Variants in SKP1 observed in about 807,000 individuals in gnomAD.
SKP1 encodes the protein S-phase kinase-associated protein 1.
Under a neutral mutation model 21.5 loss-of-function variants are expected in SKP1, and 1 was observed. The ratio of observed to expected loss-of-function variants is 0.05; its 90% CI spans 0.02 to 0.22. The LOEUF is 0.22. Among genes scored for constraint, SKP1 ranks in the 10% least tolerant of loss-of-function variants. SKP1 has a pLI of 1.00. For synonymous variants in SKP1, 59 were observed against 59.3 expected (o/e 0.99, Z 0.03); for missense variants, 70 against 192.0 (o/e 0.36, Z 3.76).
chr5:134,158,994 TTTA>T (rs1761169445), intron 4 of SKP1, among the ~76,000 whole-genome samples: 1 of 152,166 alleles, frequency 6.6e-6, no homozygotes, highest in African/African-American at 2.4e-5. Flanking sequence ...TTTCATTGAC[TTTA>T]TTGTTTACCT....
intron 2 of SKP1, among the ~76,000 whole-genome samples, chr5:134,171,823 TCA>T (rs1761445586): frequency 6.6e-6 from 1 of 152,198 alleles, no homozygotes; most frequent in Admixed American, 6.5e-5. Context: ...GGTGGGCGGA[TCA>T]CCTGAGGTCA....
Position 134,157,649 on chromosome 5 carries a change from G to T in SKP1, c.*84C>A, listed in dbSNP as rs1033731071. The T allele has an allele frequency of 1.3e-4, 147 of 1,099,728 alleles. No individual in the cohort carries two copies. The highest frequency in any genetic ancestry group is 4.3e-5 in the Non-Finnish European group (31 of 713,200). The allele number at this position is 1,099,728 out of a possible 1,614,324, so 68.1% of individuals were successfully genotyped here. A position where few individuals can be genotyped will look rare whatever the true frequency, so the allele number is the denominator to read the frequency against. Reference sequence around the variant, plus strand: ...TTGCTGCTGCATTTGTCTACTGTTTGTCTAATATTAACAATTATAAACAGA... The same window carrying T: ...TTGCTGCTGCATTTGTCTACTGTTTTTCTAATATTAACAATTATAAACAGA... On this transcript the variant is annotated 3_prime_UTR_variant, in exon 6 of 6. Coordinates refer to ENST00000353411, the MANE Select transcript of SKP1 (RefSeq NM_170679.3).
At chr5:134,162,355 G>T (rs755533572) in intron 3 of SKP1, among the ~76,000 whole-genome samples, 2 of 152,140 alleles carry the variant, frequency 1.3e-5, no homozygotes, top group Admixed American at 1.3e-4. Context: ...CCCTCCCAAA[G>T]TGTTGGGATT....
chr5:134,164,141 T>G (rs968305214), intron 3 of SKP1, among the ~76,000 whole-genome samples: 1 of 151,770 alleles, frequency 6.6e-6, no homozygotes, highest in Non-Finnish European at 1.5e-5. Context: ...GCCAACATGG[T>G]GAAACCCCAT....
chr5:134,156,261 G>A lies in SKP1; in HGVS notation c.*1472C>T, dbSNP rs1220980605. On this transcript the variant is annotated 3_prime_UTR_variant, in exon 6 of 6. Coordinates refer to ENST00000353411, the MANE Select transcript of SKP1 (RefSeq NM_170679.3). Reference sequence around the variant, plus strand: ...CTCCTGAGAGAGAGAGAGAGAGAGAGAGAGAATTTTAAATAACTCTTTACA... The same window carrying A: ...CTCCTGAGAGAGAGAGAGAGAGAGAAAGAGAATTTTAAATAACTCTTTACA... 6.6e-6 allele frequency: 1 copy of A among 152,108 alleles called. No individual in the cohort carries two copies. The highest frequency in any genetic ancestry group is 1.5e-5 in the Non-Finnish European group (1 of 68,056). The allele number at this position is 152,108 out of a possible 1,614,324, so 9.4% of individuals were successfully genotyped here. A position where few individuals can be genotyped will look rare whatever the true frequency, so the allele number is the denominator to read the frequency against.
At chr5:134,161,356 T>C (rs1473761764) in intron 3 of SKP1, 2 of 381,810 alleles carry the variant, frequency 5.2e-6, no homozygotes, top group East Asian at 3.9e-5. Flanking sequence ...AGTACTGTAC[T>C]TGACTACATT....
intron 2 of SKP1, among the ~76,000 whole-genome samples, chr5:134,169,086 G>C (rs1486795908): frequency 6.6e-6 from 1 of 152,126 alleles, no homozygotes; most frequent in Non-Finnish European, 1.5e-5. Flanking sequence ...TGTGAGGTAA[G>C]CAGTAAGTGG....
In SKP1 at chr5:134,150,713, C is replaced by T. The variant is rs1761031112; in HGVS notation, c.*7020G>A. The T allele has an allele frequency of 6.6e-6, 1 of 152,212 alleles. No individual in the cohort carries two copies. Among genetic ancestry groups the T allele is most frequent in the Non-Finnish European group, 1.5e-5 (1 of 68,044 alleles). The allele number at this position is 152,212 out of a possible 1,614,324, so 9.4% of individuals were successfully genotyped here. A position where few individuals can be genotyped will look rare whatever the true frequency, so the allele number is the denominator to read the frequency against. Reference sequence around the variant, plus strand: ...CCCAAGCAGACCCTGGTTGTGTCAACTCCCCCAATCCCAACTTATTGTGAT... The same window carrying T: ...CCCAAGCAGACCCTGGTTGTGTCAATTCCCCCAATCCCAACTTATTGTGAT... On this transcript the variant is annotated 3_prime_UTR_variant, in exon 6 of 6. Coordinates refer to ENST00000353411, the MANE Select transcript of SKP1 (RefSeq NM_170679.3).
rs1251490831 is a variant in SKP1 at position 134,155,022 on chromosome 5, A to C, written c.*2711T>G. The C allele has an allele frequency of 6.6e-6, 1 of 152,216 alleles. No homozygotes were observed. The highest frequency in any genetic ancestry group is 1.5e-5 in the Non-Finnish European group (1 of 68,046). The allele number at this position is 152,216 out of a possible 1,614,324, so 9.4% of individuals were successfully genotyped here. A position where few individuals can be genotyped will look rare whatever the true frequency, so the allele number is the denominator to read the frequency against. On this transcript the variant is annotated 3_prime_UTR_variant, in exon 6 of 6. Coordinates refer to ENST00000353411, the MANE Select transcript of SKP1 (RefSeq NM_170679.3). ...TGAAATTCATGGAGTAGTGCTGCTA[A>C]ATACAAGTTAAATCCTGCTGTCAAG...
At chr5:134,169,710 C>CA (rs1305491240) in intron 2 of SKP1, among the ~76,000 whole-genome samples, 1 of 151,614 alleles carries the variant, frequency 6.6e-6, no homozygotes. Context: ...ACTAAAAATA[C>CA]AAAAAAATTG....
At chr5:134,160,124 G>C (rs1352695397) in intron 4 of SKP1, among the ~76,000 whole-genome samples, 1 of 151,862 alleles carries the variant, frequency 6.6e-6, no homozygotes, top group East Asian at 1.9e-4. Context: ...GGGAGGCCTA[G>C]GTAGGTGGAT....
chr5:134,158,653 A>G (rs746440352), intron 4 of SKP1, 58 bp from the exon 5 acceptor site: 41 of 1,428,362 alleles, frequency 2.9e-5, no homozygotes, highest in Middle Eastern at 1.8e-4. Flanking sequence ...CTAAATCCAA[A>G]GTTAATGATT....
chr5:134,172,371 A>G (rs1761458100), intron 2 of SKP1, among the ~76,000 whole-genome samples: 1 of 152,240 alleles, frequency 6.6e-6, no homozygotes, highest in Non-Finnish European at 1.5e-5. Context: ...TTTAAGTACT[A>G]AAGAACACTC....
chr5:134,161,214 G>A, intron 3 of SKP1, 84 bp from the exon 4 acceptor site: 2 of 1,201,380 alleles, frequency 1.7e-6, no homozygotes, highest in Non-Finnish European at 2.3e-6. Context: ...CCCTATATTG[G>A]AATAATAACT....
rs1031964980 is a variant in SKP1 at position 134,149,532 on chromosome 5, A to G, written c.*8201T>C. The stretch of plus-strand genomic sequence containing the variant: ...GTTCTATTTTTTGGATTTTGTGTTT[A>G]AAGTATAAAGTCATTTTCCAGAACA... On this transcript the variant is annotated 3_prime_UTR_variant, in exon 6 of 6. Transcript: ENST00000353411. 6.6e-6 allele frequency: 1 copy of G among 152,232 alleles called. No individual in the cohort carries two copies. The highest frequency in any genetic ancestry group is 1.5e-5 in the Non-Finnish European group (1 of 68,040). 9.4% of individuals were successfully genotyped at this position (152,232 alleles called of 1,614,324 possible).
intron 4 of SKP1, among the ~76,000 whole-genome samples, chr5:134,160,427 GTTATCC>G (rs1318943711): frequency 6.6e-6 from 1 of 151,936 alleles, no homozygotes; most frequent in Non-Finnish European, 1.5e-5. Context: ...GTTATATCAA[GTTATCC>G]TGATTTCTGT....
rs1017295596 is a variant in SKP1, at chr5:134,153,985, G to T, written c.*3748C>A. 5.3e-5 allele frequency: 8 copies of T among 152,304 alleles called. No homozygotes were observed. In the East Asian group the frequency reaches 1.5e-3, roughly 29 times the overall value. 9.4% of individuals were successfully genotyped at this position (152,304 alleles called of 1,614,324 possible). ...CAGGAGCTGGTGTATTCTGACAGTTGTAGAGTAAAAAGTCACAGCTATAAT... is the reference window on the plus strand; with the variant it reads ...CAGGAGCTGGTGTATTCTGACAGTTTTAGAGTAAAAAGTCACAGCTATAAT... On this transcript the variant is annotated 3_prime_UTR_variant, in exon 6 of 6. Coordinates refer to ENST00000353411, the MANE Select transcript of SKP1 (RefSeq NM_170679.3).
At position 134,156,691 on chromosome 5, in the gene SKP1, A is replaced by G. The variant is rs1377689037; in HGVS notation, c.*1042T>C. 2 of 152,260 alleles carry G rather than the reference A, an allele frequency of 1.3e-5. No individual in the cohort carries two copies. The highest frequency in any genetic ancestry group is 1.3e-4 in the Admixed American group (2 of 15,284). 9.4% of individuals were successfully genotyped at this position (152,260 alleles called of 1,614,324 possible). A position where few individuals can be genotyped will look rare whatever the true frequency, so the allele number is the denominator to read the frequency against. ...GCAGAGTAATTTTGTGTTAAGAATT[A>G]AAGTACTAGCTCCAGTTAGGCATAT... On this transcript the variant is annotated 3_prime_UTR_variant, in exon 6 of 6. Coordinates refer to ENST00000353411, the MANE Select transcript of SKP1 (RefSeq NM_170679.3).
At chr5:134,162,833 T>C (rs1249267657) in intron 3 of SKP1, among the ~76,000 whole-genome samples, 2 of 152,148 alleles carry the variant, frequency 1.3e-5, no homozygotes, top group African/African-American at 4.8e-5. Flanking sequence ...CTCAGCACTT[T>C]GGGAGGCTGA....
Sources: allele counts gnomAD v4.1 joint callset (sites outside exome capture counted in the v4.1 genomes callset), GRCh38; gene constraint gnomAD v4.1.1; transcripts MANE v1.5; gene names NCBI Gene and HGNC (gene_info 2026-07-23, HGNC 2026-07-21).